Variants in COL6A3 observed in about 807,000 individuals in gnomAD.
COL6A3 encodes the protein collagen alpha-3(VI) chain.
A neutral mutation model predicts 274.1 loss-of-function variants in COL6A3; 137 were observed. That is an observed-to-expected ratio of 0.50 (90% CI 0.44 to 0.58). COL6A3 has a LOEUF of 0.58. COL6A3 is among the 20% of genes least tolerant of loss of function. The pLI is 0.00. For missense variants in COL6A3, 3,950 were observed against 4,124.9 expected (o/e 0.96, Z 1.16); for synonymous variants, 1,650 against 1,650.6 (o/e 1.00, Z 0.01).
intron 8 of COL6A3, among the ~76,000 whole-genome samples, chr2:237,372,812 G>A (rs2077727720): frequency 6.6e-6 from 1 of 152,206 alleles, no homozygotes; most frequent in Admixed American, 6.5e-5. Context: ...TGCTGGCAGG[G>A]GAAGTGGCGC....
At chr2:237,357,773 T>C in intron 22 of COL6A3, 44 bp downstream of exon 22, 2 of 1,597,940 alleles carry the variant, frequency 1.3e-6, no homozygotes, top group Non-Finnish European at 1.7e-6. Flanking sequence ...GTCCTTTCTC[T>C]TGCCCTCAGT....
intron 3 of COL6A3, among the ~76,000 whole-genome samples, chr2:237,390,294 T>C (rs1448886559): frequency 2.6e-5 from 4 of 152,250 alleles, no homozygotes; most frequent in Non-Finnish European, 5.9e-5. Flanking sequence ...GAACATTCTC[T>C]TGTAAAAGAC....
At chr2:237,405,338 C>T (rs1368022868) in intron 1 of COL6A3, among the ~76,000 whole-genome samples, 1 of 151,918 alleles carries the variant, frequency 6.6e-6, no homozygotes, top group Non-Finnish European at 1.5e-5. Context: ...TTTGTCATGT[C>T]CTGGAGTCTC....
intron 1 of COL6A3, among the ~76,000 whole-genome samples, chr2:237,403,620 C>T (rs986098386): frequency 6.6e-6 from 1 of 152,042 alleles, no homozygotes; most frequent in African/African-American, 2.4e-5. Context: ...AAGCTCAGCC[C>T]GATTTTTTTT....
intron 7 of COL6A3, among the ~76,000 whole-genome samples, 178 bp from the exon 8 acceptor site, chr2:237,375,198 A>G (rs1333696333): frequency 6.6e-6 from 1 of 152,212 alleles, no homozygotes; most frequent in Admixed American, 6.5e-5. Context: ...TTACCCTGGA[A>G]TTAGCCAGGT....
chr2:237,363,146 C>A (rs1041437776), intron 14 of COL6A3, 107 bp downstream of exon 14: 2 of 1,113,352 alleles, frequency 1.8e-6, no homozygotes, highest in South Asian at 1.3e-5. Context: ...TACCAAGGCC[C>A]CCCCCCCACC....
chr2:237,380,938 C>G lies in COL6A3; in HGVS notation c.1874G>C (p.Arg625Thr), dbSNP rs61729841. ...GMLPGLLAPL[R>T]TLSGTPEVHS... ...ACCTTCAGGGGTTCCAGAGAGGGTCCTGAGAGGTGCCAGCAAGCCAGGCAG... is the reference window on the plus strand; with the variant it reads ...ACCTTCAGGGGTTCCAGAGAGGGTCGTGAGAGGTGCCAGCAAGCCAGGCAG... Residue 625 changes from arginine to threonine, a missense_variant, in exon 5 of 44, where the codon AGG becomes ACG. Physicochemically the swap from Arg to Thr is moderately conservative, Grantham distance 71. Around this residue, in one of 5 missense-constraint regions of COL6A3, gnomAD observed 1,934 missense variants for 1,984.3 expected, o/e 0.97. Coordinates refer to ENST00000295550, the MANE Select transcript of COL6A3 (RefSeq NM_004369.4). 2.5e-5 allele frequency: 40 copies of G among 1,613,966 alleles called. No homozygotes were observed. In the African/African-American group the frequency reaches 3.5e-4, roughly 14 times the overall value.
chr2:237,388,013 A>G lies in COL6A3; in HGVS notation c.881T>C (p.Phe294Ser), dbSNP rs2078194862. ...CTTGGTGGAGTAGGTGTCCAAGGAGAACATGGTTCTGGGCTCATCGCTAAA... is the reference window on the plus strand; with the variant it reads ...CTTGGTGGAGTAGGTGTCCAAGGAGGACATGGTTCTGGGCTCATCGCTAAA... ...VQFSDEPRTM[F>S]SLDTYSTKAQ... Residue 294 changes from phenylalanine to serine, a missense_variant, in exon 4 of 44, where the codon TTC (phenylalanine) becomes TCC (serine). By Grantham distance (155) the Phe-to-Ser change is radical. Around this residue, in one of 5 missense-constraint regions of COL6A3, gnomAD observed 1,934 missense variants for 1,984.3 expected, o/e 0.97. Coordinates refer to ENST00000295550, the MANE Select transcript of COL6A3 (RefSeq NM_004369.4). 1.2e-6 allele frequency: 2 copies of G among 1,614,022 alleles called. No individual in the cohort carries two copies. Among genetic ancestry groups the G allele is most frequent in the African/African-American group, 2.7e-5 (2 of 74,902 alleles).
intron 1 of COL6A3, among the ~76,000 whole-genome samples, chr2:237,401,575 C>T (rs547608631): frequency 2.0e-5 from 3 of 152,084 alleles, no homozygotes; most frequent in African/African-American, 7.2e-5. Flanking sequence ...CAGAGTATGG[C>T]AAAATGCCTG....
At chr2:237,399,362 C>T (rs780574558) in intron 1 of COL6A3, among the ~76,000 whole-genome samples, 2 of 152,198 alleles carry the variant, frequency 1.3e-5, no homozygotes, top group Non-Finnish European at 2.9e-5. Context: ...ACAATGATAG[C>T]CATGCCTCTC....
In COL6A3 at chr2:237,371,461, G is replaced by A. The variant is rs2077684940; in HGVS notation, c.4285+271C>T. Among the ~76,000 whole-genome samples the A allele has an allele frequency of 6.6e-6, 1 of 152,056 alleles. No individual in the cohort carries two copies. Among genetic ancestry groups the A allele is most frequent in the Non-Finnish European group, 1.5e-5 (1 of 68,022 alleles). The stretch of plus-strand genomic sequence containing the variant: ...AAAATACAAAAAATTAGCCGGGCGT[G>A]GTGGTATGAACCTGTAGTCCTAGCT... On this transcript the variant is annotated intron_variant, in intron 9 of 43. Transcript: ENST00000295550. The surrounding 1 kb of genome is among the most constrained non-coding windows in gnomAD (Gnocchi z 4.3).
chr2:237,357,775 G>C, intron 22 of COL6A3, 42 bp downstream of exon 22: 1 of 1,596,376 alleles, frequency 6.3e-7, no homozygotes, highest in Non-Finnish European at 8.6e-7. Context: ...CCTTTCTCTT[G>C]CCCTCAGTAC....
chr2:237,365,693 C>G lies in COL6A3; in HGVS notation c.5838+5G>C. 1 of 1,614,124 alleles carries G rather than the reference C, an allele frequency of 6.2e-7. No individual in the cohort carries two copies. The highest frequency in any genetic ancestry group is 8.5e-7 in the Non-Finnish European group (1 of 1,179,964). On this transcript the variant is annotated splice_donor_5th_base_variant and intron_variant, in intron 12 of 43. Coordinates refer to ENST00000295550, the MANE Select transcript of COL6A3 (RefSeq NM_004369.4). ...GGAGCACCTGAACCAACTGGCCCCA[C>G]AGACCTTCACGCTGTCCGGCGAGGA... is the stretch of plus-strand genomic sequence containing the variant.
intron 17 of COL6A3, 121 bp downstream of exon 17, chr2:237,359,967 G>T: frequency 2.0e-6 from 2 of 999,944 alleles, no homozygotes; most frequent in Non-Finnish European, 1.6e-6. Context: ...GAGAGGTCAC[G>T]GGCTGCTGAA....
chr2:237,348,861 GC>G (rs934639163), intron 28 of COL6A3, among the ~76,000 whole-genome samples, 198 bp from the exon 29 acceptor site: 3 of 152,128 alleles, frequency 2.0e-5, no homozygotes, highest in Non-Finnish European at 4.4e-5. Context: ...TAGGCGGTGG[GC>G]TCAAAGGACT....
intron 23 of COL6A3, chr2:237,356,888 C>T (rs11677456): frequency 0.4 from 86,997 of 215,796 alleles, 17,979 homozygotes; most frequent in Non-Finnish European, 0.41. Flanking sequence ...AGATGCAATA[C>T]GCCAGAAAAA....
At chr2:237,334,588 A>G in intron 41 of COL6A3, 38 bp downstream of exon 41, 2 of 1,608,186 alleles carry the variant, frequency 1.2e-6, no homozygotes, top group Non-Finnish European at 1.7e-6. Flanking sequence ...TACTCTACAT[A>G]GAAATCAGGT....
intron 41 of COL6A3, among the ~76,000 whole-genome samples, chr2:237,334,022 G>T (rs1261107333): frequency 2.0e-5 from 3 of 152,196 alleles, no homozygotes; most frequent in South Asian, 4.1e-4. Context: ...GAAGAATTTA[G>T]AAAGATGAGA....
At chr2:237,339,549 G>A (rs548148821) in intron 38 of COL6A3, among the ~76,000 whole-genome samples, 8 of 152,306 alleles carry the variant, frequency 5.3e-5, no homozygotes, top group Non-Finnish European at 1.0e-4. Context: ...GGTGAACCTG[G>A]GGGATTACCT....
Sources: gnomAD v4.1 joint callset for allele counts (sites outside exome capture counted in the v4.1 genomes callset) on GRCh38, gnomAD v4.1.1 for gene constraint, gnomAD v4.1.1 regional missense constraint, Gnocchi (gnomAD v3.1) non-coding constraint, MANE v1.5 for transcripts, NCBI Gene and HGNC (gene_info 2026-07-23, HGNC 2026-07-21) for gene names.